Variants in DSCAML1 observed in about 807,000 individuals in gnomAD.
DSCAML1 encodes the protein cell adhesion molecule DSCAML1.
In DSCAML1, 38 loss-of-function variants were observed where a neutral mutation model predicts 200.5. The observed-to-expected ratio is 0.19, with a 90% CI of 0.15 to 0.25. DSCAML1 has a LOEUF of 0.25. Among genes scored for constraint, DSCAML1 ranks in the 10% least tolerant of loss-of-function variants. The pLI, the probability that DSCAML1 is intolerant of heterozygous loss-of-function variation, is 1.00. For missense variants in DSCAML1, 2,223 were observed against 2,858.8 expected (o/e 0.78, Z 5.07); for synonymous variants, 1,215 against 1,165.0 (o/e 1.04, Z -0.87).
intron 6 of DSCAML1, 72 bp downstream of exon 6, chr11:117,521,048 CATTGCTCCCA>C: frequency 7.7e-6 from 12 of 1,551,962 alleles, no homozygotes; most frequent in Non-Finnish European, 9.6e-6. Context: ...TGCCTCCTGG[CATTGCTCCCA>C]CCTCAGCAGA....
chr11:117,465,202 G>A lies in DSCAML1; in HGVS notation c.3025-20C>T, dbSNP rs376199142. On this transcript the variant is annotated intron_variant, in intron 16 of 32. Transcript: ENST00000651296. Reference sequence around the variant, plus strand: ...GGGTGCCTGTGAGCATGGGGTGGGGGTGGGCACAAAGAAATGGCAACACGC... The same window carrying A: ...GGGTGCCTGTGAGCATGGGGTGGGGATGGGCACAAAGAAATGGCAACACGC... 20 of 1,609,880 alleles carry A rather than the reference G, an allele frequency of 1.2e-5. No homozygotes were observed. The highest frequency in any genetic ancestry group is 1.1e-4 in the East Asian group (5 of 44,752).
chr11:117,455,777 C>T lies in DSCAML1; in HGVS notation c.3568+2977G>A, dbSNP rs562636401. ...CTTGGACCACAGATCTGTCTGCTTT[C>T]CATGCCAACTGAGTAATAACTGTAA... is the stretch of plus-strand genomic sequence containing the variant. On this transcript the variant is annotated intron_variant, in intron 19 of 32. Transcript: ENST00000651296. Among the ~76,000 whole-genome samples the T allele has an allele frequency of 1.7e-3, 261 of 152,184 alleles. 1 individual carries two copies. Among genetic ancestry groups the T allele is most frequent in the Non-Finnish European group, 2.9e-3 (194 of 68,038 alleles).
At chr11:117,651,204 C>T (rs1003262108) in intron 3 of DSCAML1, among the ~76,000 whole-genome samples, 2 of 152,212 alleles carry the variant, frequency 1.3e-5, no homozygotes, top group Admixed American at 6.5e-5. Flanking sequence ...GGACCAGGGT[C>T]TGCAGCTCCA....
chr11:117,453,295 C>T (rs2137124040), intron 19 of DSCAML1, among the ~76,000 whole-genome samples: 1 of 152,254 alleles, frequency 6.6e-6, no homozygotes, highest in South Asian at 2.1e-4. Flanking sequence ...TTTTATGCGG[C>T]CAACATTAAT....
chr11:117,532,173 G>GT (rs1368912762), intron 4 of DSCAML1, among the ~76,000 whole-genome samples: 1 of 150,564 alleles, frequency 6.6e-6, no homozygotes, highest in Non-Finnish European at 1.5e-5. Context: ...GGTGAGTCTC[G>GT]TAGCCTCATT....
At chr11:117,636,053 G>A (rs1056948622) in intron 3 of DSCAML1, among the ~76,000 whole-genome samples, 5 of 152,142 alleles carry the variant, frequency 3.3e-5, no homozygotes, top group Non-Finnish European at 4.4e-5. Context: ...GCATATGTGC[G>A]GATCACAACT....
At chr11:117,495,925 C>T (rs1167210941) in intron 11 of DSCAML1, among the ~76,000 whole-genome samples, 1 of 152,186 alleles carries the variant, frequency 6.6e-6, no homozygotes, top group Non-Finnish European at 1.5e-5. Context: ...ACTTCAGAAC[C>T]ATACTTCCCA....
At chr11:117,690,109 A>G (rs1243774289) in intron 3 of DSCAML1, among the ~76,000 whole-genome samples, 2 of 152,256 alleles carry the variant, frequency 1.3e-5, no homozygotes, top group Non-Finnish European at 2.9e-5. Flanking sequence ...AAACCAAAGA[A>G]CACAATGAAG....
At chr11:117,732,957 C>T (rs908012708) in intron 3 of DSCAML1, among the ~76,000 whole-genome samples, 2 of 152,034 alleles carry the variant, frequency 1.3e-5, no homozygotes, top group African/African-American at 2.4e-5. Context: ...ATGTTTTCTT[C>T]TAATTGTTTC....
intron 3 of DSCAML1, among the ~76,000 whole-genome samples, chr11:117,659,183 T>C (rs1259368714): frequency 6.6e-6 from 1 of 152,204 alleles, no homozygotes; most frequent in Non-Finnish European, 1.5e-5. Flanking sequence ...TGGAAGACGG[T>C]GTTTCTTTTG....
At chr11:117,553,674 C>T (rs1047348538) in intron 3 of DSCAML1, among the ~76,000 whole-genome samples, 3 of 152,188 alleles carry the variant, frequency 2.0e-5, no homozygotes, top group Admixed American at 6.5e-5. Context: ...TTGAAATCCT[C>T]GTGCACTGAT....
At chr11:117,492,748 C>G (rs2049210415) in intron 11 of DSCAML1, among the ~76,000 whole-genome samples, 1 of 152,208 alleles carries the variant, frequency 6.6e-6, no homozygotes, top group Non-Finnish European at 1.5e-5. Flanking sequence ...CAGCGCTTCA[C>G]TCAGCCTTCG....
intron 1 of DSCAML1, among the ~76,000 whole-genome samples, chr11:117,781,531 C>T (rs963283380): frequency 1.3e-5 from 2 of 152,114 alleles, no homozygotes; most frequent in Non-Finnish European, 1.5e-5. Flanking sequence ...GAATGGAAGA[C>T]GGAAGAGTGC....
intron 3 of DSCAML1, among the ~76,000 whole-genome samples, chr11:117,685,594 A>C (rs1370726353): frequency 6.6e-6 from 1 of 152,134 alleles, no homozygotes; most frequent in South Asian, 2.1e-4. Flanking sequence ...GTGCCTACAA[A>C]TATTCCAGAA....
intron 3 of DSCAML1, among the ~76,000 whole-genome samples, chr11:117,607,333 A>T (rs2051587198): frequency 6.6e-6 from 1 of 152,196 alleles, no homozygotes; most frequent in Non-Finnish European, 1.5e-5. Flanking sequence ...GTGGGAGGTC[A>T]GGCTTGCCAG....
In DSCAML1 at chr11:117,777,729, G is replaced by A. The variant is rs114382065; in HGVS notation, c.365-792C>T. ...TTTCAGAACCATCCCTTCCCCCACCGTGCCCACCTCCTGCCTCAGCTGGCT... is the reference window on the plus strand; with the variant it reads ...TTTCAGAACCATCCCTTCCCCCACCATGCCCACCTCCTGCCTCAGCTGGCT... On this transcript the variant is annotated intron_variant, in intron 2 of 32. Coordinates refer to ENST00000651296, the MANE Select transcript of DSCAML1 (RefSeq NM_020693.4). 5.7e-3 allele frequency among the ~76,000 whole-genome samples: 825 copies of A among 145,376 alleles called. 6 individuals are homozygous for A. The highest frequency in any genetic ancestry group is 0.02 in the African/African-American group (782 of 38,598).
At chr11:117,649,574 C>A (rs2052587240) in intron 3 of DSCAML1, among the ~76,000 whole-genome samples, 1 of 152,192 alleles carries the variant, frequency 6.6e-6, no homozygotes, top group Non-Finnish European at 1.5e-5. Context: ...TCCTCTCCTT[C>A]TGGGCCCCAC....
At chr11:117,746,386 T>G (rs1284865652) in intron 3 of DSCAML1, among the ~76,000 whole-genome samples, 1 of 152,200 alleles carries the variant, frequency 6.6e-6, no homozygotes, top group African/African-American at 2.4e-5. Flanking sequence ...ATGGTAGAGC[T>G]GTCCCCAGCT....
intron 3 of DSCAML1, among the ~76,000 whole-genome samples, chr11:117,653,362 T>G (rs1480411777): frequency 6.6e-6 from 1 of 152,190 alleles, no homozygotes; most frequent in Non-Finnish European, 1.5e-5. Flanking sequence ...TAGTCAAGTT[T>G]GGTACCAGGA....
Sources: allele counts gnomAD v4.1 joint callset (sites outside exome capture counted in the v4.1 genomes callset), GRCh38; gene constraint gnomAD v4.1.1; transcripts MANE v1.5; gene names NCBI Gene and HGNC (gene_info 2026-07-23, HGNC 2026-07-21).